The following PTK2 variants were observed in gnomAD, a reference collection of about 807,000 sequenced individuals.
The protein encoded by PTK2 is focal adhesion kinase 1.
In PTK2, 45 loss-of-function variants were observed where a neutral mutation model predicts 150.1. The observed-to-expected ratio is 0.30, with a 90% confidence interval of 0.24 to 0.38. The LOEUF (loss-of-function observed/expected upper bound fraction) is 0.38, where lower values mean the gene tolerates loss of function less well. PTK2 is among the 10% of genes least tolerant of loss of function. The probability of loss-of-function intolerance (pLI) is 1.00; values close to 1 mark genes in which losing one functional copy is unlikely to be tolerated. For missense variants in PTK2, 919 were observed against 1,307.3 expected (o/e 0.70, Z 4.58); for synonymous variants, 432 against 449.2 (o/e 0.96, Z 0.48).
At chr8:140,725,210 T>C (rs2100045040) in intron 22 of PTK2, among the ~76,000 whole-genome samples, 1 of 151,210 alleles carries the variant, frequency 6.6e-6, no homozygotes, top group African/African-American at 2.4e-5. Context: ...CACGGCTCAC[T>C]GCAGCCTTGG....
At chr8:140,896,070 T>C (rs2100156106) in intron 2 of PTK2, among the ~76,000 whole-genome samples, 1 of 152,196 alleles carries the variant, frequency 6.6e-6, no homozygotes. Flanking sequence ...TAAGGGATTA[T>C]TAATAACTAT....
Position 140,753,342 on chromosome 8 carries a change from A to T in PTK2, c.1333-1026T>A, listed in dbSNP as rs1398119114. On this transcript the variant is annotated intron_variant, in intron 16 of 31. Transcript: ENST00000522684. ...GAAAAACTGACAAGATGGAAGGGGAAGATCAGAAGCTCGGCCTGGGATGTA... is the reference window on the plus strand; with the variant it reads ...GAAAAACTGACAAGATGGAAGGGGATGATCAGAAGCTCGGCCTGGGATGTA... Among the ~76,000 whole-genome samples, 91 of 152,206 alleles carry T rather than the reference A, an allele frequency of 6.0e-4. 1 individual carries two copies. Among genetic ancestry groups the T allele is most frequent in the Admixed American group, 5.9e-3 (90 of 15,276 alleles).
chr8:140,762,452 G>C (rs1565865209), intron 15 of PTK2, 64 bp from the exon 18 acceptor site: 1 of 810,942 alleles, frequency 1.2e-6, no homozygotes, highest in Admixed American at 5.4e-5. Flanking sequence ...ACAGCAATTA[G>C]GTTAACAACA....
intron 22 of PTK2, among the ~76,000 whole-genome samples, chr8:140,727,917 C>T (rs1041032104): frequency 2.0e-5 from 3 of 152,010 alleles, no homozygotes; most frequent in Non-Finnish European, 2.9e-5. Context: ...GAAAGACGGC[C>T]GGGCGCGGTG....
At chr8:140,839,520 G>A (rs1383823227) in intron 7 of PTK2, among the ~76,000 whole-genome samples, 1 of 152,002 alleles carries the variant, frequency 6.6e-6, no homozygotes, top group Non-Finnish European at 1.5e-5. Flanking sequence ...GCATACCAGA[G>A]GTTACCAAGC....
intron 2 of PTK2, among the ~76,000 whole-genome samples, chr8:140,902,493 T>C (rs1183587983): frequency 6.6e-6 from 1 of 152,332 alleles, no homozygotes; most frequent in South Asian, 2.1e-4. Flanking sequence ...GATTGCTGGG[T>C]CAAATGGTAT....
At chr8:140,770,166 T>G (rs1594836724) in intron 14 of PTK2, among the ~76,000 whole-genome samples, 1 of 152,246 alleles carries the variant, frequency 6.6e-6, no homozygotes, top group Non-Finnish European at 1.5e-5. Flanking sequence ...CATTTAAGTT[T>G]GCACAGAATA....
At chr8:141,001,751 C>G (rs748313604), upstream of PTK2, among the ~76,000 whole-genome samples, 4 of 152,236 alleles carry the variant, frequency 2.6e-5, no homozygotes, top group South Asian at 8.3e-4. Context: ...CGGGCACCCG[C>G]TGCGGGCCCC....
chr8:140,767,045 T>C (rs1330517865), intron 14 of PTK2, among the ~76,000 whole-genome samples: 1 of 152,220 alleles, frequency 6.6e-6, no homozygotes, highest in African/African-American at 2.4e-5. Context: ...TGTGTGCTGA[T>C]ACTCTCAGCC....
chr8:140,682,926 C>T (rs1234729993), intron 27 of PTK2, among the ~76,000 whole-genome samples: 1 of 152,120 alleles, frequency 6.6e-6, no homozygotes, highest in African/African-American at 2.4e-5. Context: ...AATAACCTGA[C>T]ATCACACCTT....
intron 7 of PTK2, among the ~76,000 whole-genome samples, chr8:140,830,783 T>C (rs572952970): frequency 6.6e-6 from 1 of 152,316 alleles, no homozygotes; most frequent in South Asian, 2.1e-4. Flanking sequence ...TTTTTTACCT[T>C]TATTGTTGAA....
chr8:140,928,209 C>T (rs2100170425), intron 1 of PTK2, among the ~76,000 whole-genome samples: 2 of 151,902 alleles, frequency 1.3e-5, no homozygotes, highest in South Asian at 4.1e-4. Flanking sequence ...TCAGGAGTCA[C>T]TTTGCTAATT....
At chr8:140,688,374 T>C (rs959033086) in intron 26 of PTK2, among the ~76,000 whole-genome samples, 1 of 152,178 alleles carries the variant, frequency 6.6e-6, no homozygotes, top group African/African-American at 2.4e-5. Flanking sequence ...CGTAAAAATA[T>C]TCATTTAAAA....
intron 1 of PTK2, among the ~76,000 whole-genome samples, chr8:140,965,821 G>A (rs6980530): frequency 0.081 from 12,289 of 152,264 alleles, 645 homozygotes; most frequent in Non-Finnish European, 0.12. Flanking sequence ...GGGTTGCAGT[G>A]AGCCAAGAAC....
At chr8:140,699,239 T>C (rs1312254271) in intron 26 of PTK2, among the ~76,000 whole-genome samples, 1 of 152,210 alleles carries the variant, frequency 6.6e-6, no homozygotes, top group Non-Finnish European at 1.5e-5. Context: ...CCAGGTAAAG[T>C]TACTGGCTCA....
Position 140,756,085 on chromosome 8 carries a change from G to A in PTK2, c.1333-3769C>T, listed in dbSNP as rs137870038. On this transcript the variant is annotated intron_variant, in intron 16 of 31. Coordinates refer to ENST00000522684, the Ensembl canonical transcript of PTK2. ...CACATCTGTAATCCCAGCACACTGG[G>A]AGGCCGGGGCAGGTGGGTCCCTGGA... 3.9e-5 allele frequency among the ~76,000 whole-genome samples: 6 copies of A among 152,244 alleles called. No individual in the cohort carries two copies. In the East Asian group the frequency reaches 9.7e-4, roughly 25 times the overall value.
At chr8:140,693,972 G>C (rs1291319388) in intron 26 of PTK2, among the ~76,000 whole-genome samples, 2 of 152,134 alleles carry the variant, frequency 1.3e-5, no homozygotes, top group East Asian at 1.9e-4. Context: ...AGTAGGCCTG[G>C]GTGGGTCTAG....
At chr8:140,933,747 A>G (rs1022403225) in intron 1 of PTK2, among the ~76,000 whole-genome samples, 4 of 152,216 alleles carry the variant, frequency 2.6e-5, no homozygotes, top group Non-Finnish European at 4.4e-5. Context: ...GATAAGGAAT[A>G]AAGAGTGACT....
chr8:140,693,149 A>C (rs1391962087), intron 26 of PTK2, among the ~76,000 whole-genome samples: 2 of 152,186 alleles, frequency 1.3e-5, no homozygotes, highest in African/African-American at 4.8e-5. Flanking sequence ...CTGAGGTTCT[A>C]ACTAAGGTTG....
Sources: allele counts gnomAD v4.1 joint callset (sites outside exome capture counted in the v4.1 genomes callset), GRCh38; gene constraint gnomAD v4.1.1; transcripts MANE v1.5; gene names NCBI Gene and HGNC (gene_info 2026-07-23, HGNC 2026-07-21).